INPP4B: variants seen among roughly 807,000 people sequenced by gnomAD.
The protein encoded by INPP4B is inositol polyphosphate 4-phosphatase type II.
INPP4B carries 55 observed loss-of-function variants against 122.5 expected under a neutral mutation model. The observed-to-expected ratio is 0.45, with a 90% CI of 0.36 to 0.56. The LOEUF is 0.56. Among genes scored for constraint, INPP4B ranks in the 20% least tolerant of loss-of-function variants. The pLI, the probability that INPP4B is intolerant of heterozygous loss-of-function variation, is 0.00. For synonymous variants in INPP4B, 403 were observed against 388.7 expected, an observed-to-expected ratio of 1.04 and a Z score of -0.43; for missense variants, 1,000 against 1,097.7, an observed-to-expected ratio of 0.91 and a Z score of 1.26.
intron 24 of INPP4B, among the ~76,000 whole-genome samples, chr4:142,084,112 C>T (rs1775524400): frequency 6.6e-6 from 1 of 152,000 alleles, no homozygotes; most frequent in Non-Finnish European, 1.5e-5. Context: ...AAACAAATGA[C>T]TTTATTTTTA....
At position 142,592,927 on chromosome 4, in the gene INPP4B, C is replaced by A. The variant is rs777411643; in HGVS notation, c.-190-130201G>T. 2.0e-5 allele frequency among the ~76,000 whole-genome samples: 3 copies of A among 151,666 alleles called. No homozygotes were observed. In the South Asian group the frequency reaches 6.3e-4, roughly 32 times the overall value. ...ACCAGCCTGGGCAACATAGTGAGAC[C>A]CTATCTCTACAAAATAAAAACAAAA... On this transcript the variant is annotated intron_variant, in intron 2 of 25. Transcript: ENST00000262992.
intron 14 of INPP4B, among the ~76,000 whole-genome samples, chr4:142,202,397 T>C (rs908312939): frequency 6.6e-6 from 1 of 152,128 alleles, no homozygotes; most frequent in Non-Finnish European, 1.5e-5. Flanking sequence ...AATATGTCTT[T>C]GGCAGGAATT....
chr4:142,490,659 C>T (rs986872544), intron 2 of INPP4B, among the ~76,000 whole-genome samples: 3 of 152,158 alleles, frequency 2.0e-5, no homozygotes, highest in African/African-American at 7.2e-5. Context: ...TTTATTCCTG[C>T]TGTCTAAATG....
chr4:142,628,416 T>G (rs1580549379), intron 2 of INPP4B, among the ~76,000 whole-genome samples: 2 of 49,624 alleles, frequency 4.0e-5, no homozygotes, highest in Admixed American at 2.9e-4. Context: ...TGTTGTGGGG[T>G]GGGGGGAGGG....
chr4:142,501,151 C>T (rs1380347690), intron 2 of INPP4B, among the ~76,000 whole-genome samples: 1 of 152,186 alleles, frequency 6.6e-6, no homozygotes, highest in Non-Finnish European at 1.5e-5. Context: ...ATTGCCTAAT[C>T]ACATTTGCCA....
chr4:142,383,873 C>G (rs943438755), intron 7 of INPP4B: 1 of 494,294 alleles, frequency 2.0e-6, no homozygotes, highest in African/African-American at 1.9e-5. Context: ...ATCCGGGTGG[C>G]GGGAACACAG....
intron 7 of INPP4B, among the ~76,000 whole-genome samples, chr4:142,356,284 T>C (rs1468199476): frequency 2.0e-5 from 3 of 148,356 alleles, no homozygotes; most frequent in Admixed American, 1.4e-4. Flanking sequence ...GCAGTGAGTG[T>C]TGATTTGAAA....
At chr4:142,054,343 G>C (rs1166406052) in intron 25 of INPP4B, among the ~76,000 whole-genome samples, 1 of 151,676 alleles carries the variant, frequency 6.6e-6, no homozygotes, top group Non-Finnish European at 1.5e-5. Context: ...GTGCATGTAT[G>C]AGATAATCGC....
intron 9 of INPP4B, among the ~76,000 whole-genome samples, chr4:142,281,992 T>C (rs183874098): frequency 2.0e-5 from 3 of 152,214 alleles, no homozygotes; most frequent in Admixed American, 2.0e-4. Context: ...CGCTAATCCA[T>C]GCACAATAAT....
At chr4:142,522,801 C>G (rs1174184611) in intron 2 of INPP4B, among the ~76,000 whole-genome samples, 1 of 152,048 alleles carries the variant, frequency 6.6e-6, no homozygotes, top group Non-Finnish European at 1.5e-5. Flanking sequence ...AATCTTACTA[C>G]AAATGAATTT....
intron 8 of INPP4B, among the ~76,000 whole-genome samples, chr4:142,313,993 C>T (rs891941150): frequency 1.3e-5 from 2 of 152,142 alleles, no homozygotes; most frequent in African/African-American, 4.8e-5. Context: ...TGTCAAGTAC[C>T]TGTAGGATTT....
At chr4:142,304,260 C>T (rs1213038351) in intron 9 of INPP4B, among the ~76,000 whole-genome samples, 1 of 152,028 alleles carries the variant, frequency 6.6e-6, no homozygotes, top group Non-Finnish European at 1.5e-5. Flanking sequence ...ACCGTTTACA[C>T]CTCAAACTGA....
chr4:142,453,411 T>C (rs1024075646), intron 3 of INPP4B, among the ~76,000 whole-genome samples: 3 of 152,206 alleles, frequency 2.0e-5, no homozygotes, highest in African/African-American at 7.2e-5. Context: ...AAATTAGTAT[T>C]GACTAAATTG....
intron 2 of INPP4B, among the ~76,000 whole-genome samples, chr4:142,566,890 C>T (rs1731733169): frequency 6.6e-6 from 1 of 152,162 alleles, no homozygotes; most frequent in African/African-American, 2.4e-5. Flanking sequence ...ATAAGTGAAG[C>T]TCTCTTTTCA....
In INPP4B at chr4:142,545,747, A is replaced by ATGTGTG. The variant is rs376478684; in HGVS notation, c.-190-83022_-190-83021insCACACA. Reference sequence around the variant, plus strand: ...TGTGTATATACACATATATGTGTATATATATACACATGTATATGTGTGTAT... The same window carrying ATGTGTG: ...TGTGTATATACACATATATGTGTATATGTGTGTATATACACATGTATATGTGTGTAT... On this transcript the variant is annotated intron_variant, in intron 2 of 25. Transcript: ENST00000262992. 4.9e-3 allele frequency among the ~76,000 whole-genome samples: 403 copies of ATGTGTG among 81,904 alleles called. 3 individuals are homozygous for ATGTGTG. The highest frequency in any genetic ancestry group is 0.01 in the South Asian group (26 of 2,512). The allele number at this position is 81,904 out of a possible 152,430, so 53.7% of individuals were successfully genotyped here. A position where few individuals can be genotyped will look rare whatever the true frequency, so the allele number is the denominator to read the frequency against.
chr4:142,613,258 T>C (rs1302023184), intron 2 of INPP4B, among the ~76,000 whole-genome samples: 1 of 152,258 alleles, frequency 6.6e-6, no homozygotes, highest in Admixed American at 6.5e-5. Context: ...TTTTAAATAC[T>C]ATTTCTGCAA....
At chr4:142,675,518 C>A (rs1428560210) in intron 2 of INPP4B, among the ~76,000 whole-genome samples, 1 of 152,064 alleles carries the variant, frequency 6.6e-6, no homozygotes, top group Non-Finnish European at 1.5e-5. Context: ...TATCCTGATA[C>A]CAAAATCTGG....
intron 2 of INPP4B, among the ~76,000 whole-genome samples, chr4:142,722,210 G>A (rs1446151774): frequency 6.6e-6 from 1 of 152,144 alleles, no homozygotes; most frequent in Non-Finnish European, 1.5e-5. Context: ...AGTGAATGTA[G>A]TGTAGGCTGG....
intron 25 of INPP4B, among the ~76,000 whole-genome samples, chr4:142,071,107 C>T (rs950264300): frequency 6.6e-6 from 1 of 152,122 alleles, no homozygotes; most frequent in Non-Finnish European, 1.5e-5. Context: ...CTACAGTAAC[C>T]AAAACAGCAT....
Sources: allele counts gnomAD v4.1 joint callset (sites outside exome capture counted in the v4.1 genomes callset), GRCh38; gene constraint gnomAD v4.1.1; transcripts MANE v1.5; gene names NCBI Gene and HGNC (gene_info 2026-07-23, HGNC 2026-07-21).